The following VPS33B variants were observed in gnomAD, a reference collection of about 807,000 sequenced individuals.
VPS33B encodes the protein VPS33B late endosome and lysosome associated, also known as vacuolar protein sorting-associated protein 33B.
VPS33B carries 80 observed loss-of-function variants against 95.3 expected under a neutral mutation model. The ratio of observed to expected loss-of-function variants is 0.84; its 90% confidence interval spans 0.70 to 1.01. The LOEUF is 1.01. Ranked by LOEUF, VPS33B falls within the 50% of genes least tolerant of loss-of-function variation. VPS33B has a pLI of 0.00. For missense variants in VPS33B, 715 were observed against 773.4 expected (o/e 0.92, Z 0.90); for synonymous variants, 280 against 280.4 (o/e 1.00, Z 0.01).
chr15:91,007,470 T>C lies in VPS33B; in HGVS notation c.602A>G (p.Lys201Arg), dbSNP rs1287963397. ...PNCYGIGRCA[K>R]MAYELWRNLE... is the part of the protein sequence containing the mutation. ...CAACAGTACTGCTAGTGCTCTTACC[T>C]TGGCGCACCTGCCAATTCCATAGCA... The change falls in exon 8 of 23, where the codon AAG becomes AGG. Residue 201 changes from lysine (K) to arginine (R), a missense_variant and splice_region_variant. Coordinates refer to ENST00000333371, the MANE Select transcript of VPS33B (RefSeq NM_018668.5). The surrounding 1 kb of genome is among the most constrained non-coding windows in gnomAD (Gnocchi z 5.3). 1 of 1,614,176 alleles carries C rather than the reference T, an allele frequency of 6.2e-7. No individual in the cohort carries two copies.
rs536058510 is a variant in VPS33B at position 91,013,146 on chromosome 15, T to A, written c.357+658A>T. On this transcript the variant is annotated intron_variant, in intron 5 of 22. Coordinates refer to ENST00000333371, the MANE Select transcript of VPS33B (RefSeq NM_018668.5). The surrounding 1 kb of genome is among the most constrained non-coding windows in gnomAD (Gnocchi z 4.5). The stretch of plus-strand genomic sequence containing the variant: ...ACTATACTAGAGTTTGTGTTAGGGA[T>A]ACAGAGCAGGTTCTACCTCGCAAGC... Among the ~76,000 whole-genome samples, 1 of 152,300 alleles carries A rather than the reference T, an allele frequency of 6.6e-6. No homozygotes were observed. Among genetic ancestry groups the A allele is most frequent in the Non-Finnish European group, 1.5e-5 (1 of 68,034 alleles).
chr15:91,019,086 T>A (rs1302756554), intron 1 of VPS33B, among the ~76,000 whole-genome samples: 3 of 148,990 alleles, frequency 2.0e-5, no homozygotes, highest in Non-Finnish European at 4.4e-5. Context: ...GTGCTGGGAT[T>A]ACAGGTGTGA....
At position 91,004,841 on chromosome 15, in the gene VPS33B, A is replaced by C. The variant is rs780502095; in HGVS notation, c.1225+36T>G. On this transcript the variant is annotated intron_variant, in intron 16 of 22. Coordinates refer to ENST00000333371, the MANE Select transcript of VPS33B (RefSeq NM_018668.5). Reference sequence around the variant, plus strand: ...TTCTGTCCCTAAGGCATAGTTTCTCAATCTGACATTCTCATCTTCAGTCTT... The same window carrying C: ...TTCTGTCCCTAAGGCATAGTTTCTCCATCTGACATTCTCATCTTCAGTCTT... 12 of 1,612,928 alleles carry C rather than the reference A, an allele frequency of 7.4e-6. 1 individual carries two copies. The South Asian group carries it at 1.2e-4, about 16-fold the overall frequency.
In VPS33B at chr15:91,006,667, A is replaced by T; in HGVS notation, c.763T>A (p.Phe255Ile). ...VVYEGLVDDT[F>I]RIKCGSVDFG... The stretch of plus-strand genomic sequence containing the variant: ...TAGCACTTACCACACTTGATGCGGA[A>T]GGTGTCATCTACTAGGCCCTCATAA... The change falls in exon 10 of 23, where the codon TTC (phenylalanine) becomes ATC (isoleucine). Residue 255 changes from phenylalanine (F) to isoleucine (I), a missense_variant. Phe to Ile is a conservative substitution (Grantham distance 21). Coordinates refer to ENST00000333371, the MANE Select transcript of VPS33B (RefSeq NM_018668.5). The surrounding 1 kb of genome is among the most constrained non-coding windows in gnomAD (Gnocchi z 5.4). 3 of 1,614,226 alleles carry T rather than the reference A, an allele frequency of 1.9e-6. No individual in the cohort carries two copies. The highest frequency in any genetic ancestry group is 2.5e-6 in the Non-Finnish European group (3 of 1,180,048).
intron 3 of VPS33B, among the ~76,000 whole-genome samples, chr15:91,016,674 G>A (rs985104376): frequency 4.6e-5 from 7 of 152,046 alleles, no homozygotes; most frequent in African/African-American, 1.7e-4. Context: ...ATGAGCCGCC[G>A]CACCCAGCTG....
intron 3 of VPS33B, among the ~76,000 whole-genome samples, chr15:91,016,632 C>T (rs1278483660): frequency 6.6e-6 from 1 of 152,080 alleles, no homozygotes; most frequent in African/African-American, 2.4e-5. Flanking sequence ...GATCCGCCCG[C>T]CTCGGCCTCC....
chr15:91,019,807 T>C (rs1013647853), intron 1 of VPS33B, among the ~76,000 whole-genome samples: 1 of 122,200 alleles, frequency 8.2e-6, no homozygotes, highest in Non-Finnish European at 1.6e-5. Flanking sequence ...ATGTGTAATA[T>C]AATTTTTTTT....
rs535359201 is a variant in VPS33B, at chr15:90,998,791, A to C, written c.*184T>G. The C allele has an allele frequency of 1.4e-6, 1 of 711,226 alleles. No individual in the cohort carries two copies. The highest frequency in any genetic ancestry group is 1.8e-5 in the African/African-American group (1 of 57,028). The allele number at this position is 711,226 out of a possible 1,614,324, so 44.1% of individuals were successfully genotyped here. ...TGTACTTCATAAACAGAAAAGAGAA[A>C]TATCCTGGGAGCAGGAAGTGAACTC... On this transcript the variant is annotated 3_prime_UTR_variant, in exon 23 of 23. Coordinates refer to ENST00000333371, the MANE Select transcript of VPS33B (RefSeq NM_018668.5). The surrounding 1 kb of genome is among the most constrained non-coding windows in gnomAD (Gnocchi z 4.8).
Position 91,007,864 on chromosome 15 carries a change from A to G in VPS33B, c.498+6T>C, listed in dbSNP as rs754454203. ...GATGCCAAGACACAAGGGCCTCTGC[A>G]TTTACCAGAAAGTAATCCCTGAAAA... On this transcript the variant is annotated splice_donor_region_variant and intron_variant, in intron 7 of 22. Transcript: ENST00000333371. The surrounding 1 kb of genome is among the most constrained non-coding windows in gnomAD (Gnocchi z 5.3). 3.1e-6 allele frequency: 5 copies of G among 1,613,840 alleles called. No homozygotes were observed. The highest frequency in any genetic ancestry group is 4.2e-6 in the Non-Finnish European group (5 of 1,179,852).
At position 91,014,298 on chromosome 15, in the gene VPS33B, T is replaced by C. The variant is rs2040862450; in HGVS notation, c.289+86A>G. ...GCTACGGCCAACTCAAACAATTATT[T>C]TCTTATTAGAGGGTCCTTATGGCCA... On this transcript the variant is annotated intron_variant, in intron 4 of 22. Transcript: ENST00000333371. 6.6e-6 allele frequency: 9 copies of C among 1,366,436 alleles called. No individual in the cohort carries two copies. The South Asian group carries it at 1.0e-4, about 16-fold the overall frequency. 84.6% of individuals were successfully genotyped at this position (1,366,436 alleles called of 1,614,324 possible). A position where few individuals can be genotyped will look rare whatever the true frequency, so the allele number is the denominator to read the frequency against.
Position 91,007,741 on chromosome 15 carries a change from T to A in VPS33B, c.498+129A>T. ...ACAGAGACCAATCTGTAGCACTCAATCACCACATCACTATCACTTGTGATA... is the reference window on the plus strand; with the variant it reads ...ACAGAGACCAATCTGTAGCACTCAAACACCACATCACTATCACTTGTGATA... On this transcript the variant is annotated intron_variant, in intron 7 of 22. Coordinates refer to ENST00000333371, the MANE Select transcript of VPS33B (RefSeq NM_018668.5). This position sits in a 1 kb window ranked among gnomAD's most constrained non-coding sequence, Gnocchi z 5.3. The A allele has an allele frequency of 8.6e-7, 1 of 1,156,960 alleles. No homozygotes were observed. 71.7% of individuals were successfully genotyped at this position (1,156,960 alleles called of 1,614,324 possible).
chr15:91,022,538 G>A lies in VPS33B; in HGVS notation c.-289C>T, dbSNP rs1408116207. 1.0e-5 allele frequency: 3 copies of A among 300,070 alleles called. No individual in the cohort carries two copies. Among genetic ancestry groups the A allele is most frequent in the Non-Finnish European group, 1.8e-5 (3 of 163,470 alleles). 18.6% of individuals were successfully genotyped at this position (300,070 alleles called of 1,614,324 possible). ...GCAGGATTCCGGTCTACACCCCGCA[G>A]AGACTCCGCAGCGTACGAGGAGAAC... On this transcript the variant is annotated 5_prime_UTR_variant, in exon 1 of 23. Coordinates refer to ENST00000333371, the MANE Select transcript of VPS33B (RefSeq NM_018668.5).
At position 91,000,117 on chromosome 15, in the gene VPS33B, C is replaced by A; in HGVS notation, c.1582-142G>T. The A allele has an allele frequency of 1.9e-6, 2 of 1,037,672 alleles. No homozygotes were observed. Among genetic ancestry groups the A allele is most frequent in the South Asian group, 2.6e-5 (2 of 75,522 alleles). The allele number at this position is 1,037,672 out of a possible 1,614,324, so 64.3% of individuals were successfully genotyped here. A position where few individuals can be genotyped will look rare whatever the true frequency, so the allele number is the denominator to read the frequency against. ...AGACAGGGCCAGGTGTGGTGGCTCACGCCTGTAATTCCAACACTTTAGGAG... is the reference window on the plus strand; with the variant it reads ...AGACAGGGCCAGGTGTGGTGGCTCAAGCCTGTAATTCCAACACTTTAGGAG... On this transcript the variant is annotated intron_variant, in intron 20 of 22. Coordinates refer to ENST00000333371, the MANE Select transcript of VPS33B (RefSeq NM_018668.5). This position sits in a 1 kb window ranked among gnomAD's most constrained non-coding sequence, Gnocchi z 4.9.
chr15:91,003,211 C>T (rs534219834), intron 16 of VPS33B, 80 bp from the exon 17 acceptor site: 121 of 1,350,106 alleles, frequency 9.0e-5, no homozygotes, highest in Non-Finnish European at 1.1e-4. Context: ...CAACCAGCAA[C>T]GAACGCCTTC....
intron 1 of VPS33B, 101 bp downstream of exon 1, chr15:91,022,053 C>T: frequency 7.3e-7 from 1 of 1,362,436 alleles, no homozygotes; most frequent in Non-Finnish European, 1.0e-6. Context: ...AGGACAATAC[C>T]AGGGGCCAAG....
Position 91,000,520 on chromosome 15 carries a change from A to G in VPS33B, c.1551T>C (p.Tyr517=). Residue 517 remains tyrosine (Y), a synonymous_variant, in exon 20 of 23, where the codon TAT becomes TAC. Coordinates refer to ENST00000333371, the MANE Select transcript of VPS33B (RefSeq NM_018668.5). The surrounding 1 kb of genome is among the most constrained non-coding windows in gnomAD (Gnocchi z 4.9). ...RDMAYVFGGA[Y]VPLSCRIIEQ... is the part of the protein sequence containing the mutation. ...CAATGATTCGGCAGCTCAGGGGCAC[A>G]TAAGCACCACCGAAGACGTAAGCCA... The G allele has an allele frequency of 1.2e-6, 2 of 1,613,704 alleles. No individual in the cohort carries two copies. Among genetic ancestry groups the G allele is most frequent in the South Asian group, 2.2e-5 (2 of 91,066 alleles).
chr15:91,006,693 AC>A lies in VPS33B; in HGVS notation c.736del (p.Val246PhefsTer5). ...DFVTALCSQV[V>X]YEGLVDDTFR... ...GGTGTCATCTACTAGGCCCTCATAA[AC>A]CACTTGGGAGCAAAGTGCTGTCACA... On this transcript the variant is annotated frameshift_variant, in exon 10 of 23. Coordinates refer to ENST00000333371, the MANE Select transcript of VPS33B (RefSeq NM_018668.5). LOFTEE classifies it high-confidence loss of function. This position sits in a 1 kb window ranked among gnomAD's most constrained non-coding sequence, Gnocchi z 5.4. 1.2e-6 allele frequency: 2 copies of A among 1,614,146 alleles called. No homozygotes were observed. The highest frequency in any genetic ancestry group is 1.7e-6 in the Non-Finnish European group (2 of 1,180,024).
chr15:91,015,204 C>T lies in VPS33B; in HGVS notation c.240-771G>A, dbSNP rs903126520. On this transcript the variant is annotated intron_variant, in intron 3 of 22. Transcript: ENST00000333371. This position sits in a 1 kb window ranked among gnomAD's most constrained non-coding sequence, Gnocchi z 4.7. ...TACAAAAATTGGCTGGGCATGGTGG[C>T]GCATGTCTGTAATCCCAGCTACGCA... Among the ~76,000 whole-genome samples, 13 of 152,020 alleles carry T rather than the reference C, an allele frequency of 8.6e-5. 1 individual carries two copies. Among genetic ancestry groups the T allele is most frequent in the Admixed American group, 7.2e-4 (11 of 15,258 alleles).
intron 16 of VPS33B, among the ~76,000 whole-genome samples, chr15:91,004,300 A>G (rs998725236): frequency 3.9e-5 from 6 of 152,176 alleles, no homozygotes; most frequent in Admixed American, 3.9e-4. Flanking sequence ...TCAACAGTAA[A>G]AACAAGTTGC....
Sources: allele counts gnomAD v4.1 joint callset (sites outside exome capture counted in the v4.1 genomes callset), GRCh38; gene constraint gnomAD v4.1.1; non-coding constraint Gnocchi (gnomAD v3.1); transcripts MANE v1.5; gene names NCBI Gene and HGNC (gene_info 2026-07-23, HGNC 2026-07-21).